UNC5C: variants seen among roughly 807,000 people sequenced by gnomAD.
UNC5C encodes netrin receptor UNC5C.
In UNC5C, 47 loss-of-function variants were observed where a neutral mutation model predicts 99.8. The observed-to-expected ratio is 0.47, with a 90% confidence interval of 0.37 to 0.60. UNC5C has a LOEUF of 0.60. Ranked by LOEUF, UNC5C falls within the 20% of genes least tolerant of loss-of-function variation. UNC5C has a pLI of 0.00. For synonymous variants in UNC5C, 487 were observed against 452.2 expected, an observed-to-expected ratio of 1.08 and a Z score of -0.98; for missense variants, 1,062 against 1,165.9, an observed-to-expected ratio of 0.91 and a Z score of 1.30.
chr4:95,172,875 T>C (rs981320975), intron 14 of UNC5C, among the ~76,000 whole-genome samples: 3 of 152,326 alleles, frequency 2.0e-5, no homozygotes, highest in African/African-American at 7.2e-5. Flanking sequence ...CCCATGAGCA[T>C]GGAATGTTGT....
chr4:95,512,488 G>C (rs1358678919), intron 1 of UNC5C, among the ~76,000 whole-genome samples: 1 of 152,142 alleles, frequency 6.6e-6, no homozygotes, highest in Admixed American at 6.5e-5. Context: ...TCTGAAAAGA[G>C]AGTTCATGTA....
At chr4:95,545,457 A>C (rs1483019802) in intron 1 of UNC5C, among the ~76,000 whole-genome samples, 1 of 152,194 alleles carries the variant, frequency 6.6e-6, no homozygotes, top group Non-Finnish European at 1.5e-5. Flanking sequence ...AATGAACTTT[A>C]GTTGTCTTCA....
At chr4:95,460,499 C>G (rs1480678856) in intron 1 of UNC5C, among the ~76,000 whole-genome samples, 1 of 152,112 alleles carries the variant, frequency 6.6e-6, no homozygotes, top group Non-Finnish European at 1.5e-5. Flanking sequence ...TTCCCCCATA[C>G]TGTTCTCATG....
intron 1 of UNC5C, among the ~76,000 whole-genome samples, chr4:95,423,697 C>G (rs1469538804): frequency 6.6e-6 from 1 of 152,110 alleles, no homozygotes; most frequent in Non-Finnish European, 1.5e-5. Flanking sequence ...GAGTACATTT[C>G]CAGAGGCATA....
chr4:95,164,537 G>T lies in UNC5C; in HGVS notation c.*4697C>A, dbSNP rs1735790868. 6.6e-6 allele frequency: 1 copy of T among 152,176 alleles called. No homozygotes were observed. Among genetic ancestry groups the T allele is most frequent in the Admixed American group, 6.5e-5 (1 of 15,284 alleles). 9.4% of individuals were successfully genotyped at this position (152,176 alleles called of 1,614,324 possible). Reference sequence around the variant, plus strand: ...TACAAAAAGAAAAATAAAAGCCAAAGAGTAATAGTTGGTCCTATGAGGCAC... The same window carrying T: ...TACAAAAAGAAAAATAAAAGCCAAATAGTAATAGTTGGTCCTATGAGGCAC... On this transcript the variant is annotated 3_prime_UTR_variant, in exon 16 of 16. Transcript: ENST00000453304.
intron 14 of UNC5C, 23 bp from the exon 15 acceptor site, chr4:95,170,355 A>G (rs769721031): frequency 2.5e-6 from 4 of 1,609,752 alleles, no homozygotes; most frequent in Non-Finnish European, 3.4e-6. Flanking sequence ...GACAGGAACA[A>G]CACAGCATTA....
chr4:95,463,204 A>G (rs1365239776), intron 1 of UNC5C, among the ~76,000 whole-genome samples: 1 of 152,070 alleles, frequency 6.6e-6, no homozygotes, highest in African/African-American at 2.4e-5. Context: ...TGCAGTGCCT[A>G]ACTGTGACCT....
chr4:95,169,479 C>T (rs775609692), intron 15 of UNC5C, 80 bp from the exon 16 acceptor site: 16 of 1,501,222 alleles, frequency 1.1e-5, no homozygotes, highest in Non-Finnish European at 1.4e-5. Context: ...TTCTGTCTCT[C>T]TACTTGTCTT....
At chr4:95,425,545 A>T (rs1271509785) in intron 1 of UNC5C, among the ~76,000 whole-genome samples, 1 of 152,142 alleles carries the variant, frequency 6.6e-6, no homozygotes. Context: ...GATGGTCTGG[A>T]TCTCCTGACC....
At chr4:95,336,981 G>C (rs1743376327) in intron 1 of UNC5C, among the ~76,000 whole-genome samples, 1 of 151,868 alleles carries the variant, frequency 6.6e-6, no homozygotes, top group Non-Finnish European at 1.5e-5. Context: ...GAACATTCAA[G>C]ACTGCTTAAA....
chr4:95,361,344 ACT>A (rs1306559469), intron 1 of UNC5C, among the ~76,000 whole-genome samples: 1 of 152,122 alleles, frequency 6.6e-6, no homozygotes, highest in Non-Finnish European at 1.5e-5. Context: ...AGTCCCTTTA[ACT>A]CTCTCTTCTT....
intron 4 of UNC5C, among the ~76,000 whole-genome samples, chr4:95,270,170 CT>C (rs1373312184): frequency 6.6e-6 from 1 of 152,128 alleles, no homozygotes; most frequent in Non-Finnish European, 1.5e-5. Flanking sequence ...CTTGTAGGTG[CT>C]TTAAACAATC....
intron 1 of UNC5C, among the ~76,000 whole-genome samples, chr4:95,502,203 G>A (rs1420291302): frequency 6.6e-6 from 1 of 152,030 alleles, no homozygotes; most frequent in African/African-American, 2.4e-5. Context: ...ATTATGACTG[G>A]CCCCCAATCA....
At chr4:95,390,038 C>T (rs1745312696) in intron 1 of UNC5C, among the ~76,000 whole-genome samples, 1 of 151,866 alleles carries the variant, frequency 6.6e-6, no homozygotes, top group Admixed American at 6.6e-5. Context: ...AATAGTATGC[C>T]CCAAAACTCA....
intron 1 of UNC5C, among the ~76,000 whole-genome samples, chr4:95,492,187 G>A (rs1197202445): frequency 6.6e-6 from 1 of 151,254 alleles, no homozygotes; most frequent in Non-Finnish European, 1.5e-5. Context: ...AGGAATTATA[G>A]GTTTATTTTA....
chr4:95,227,174 G>A (rs1276511785), intron 7 of UNC5C, among the ~76,000 whole-genome samples: 1 of 151,216 alleles, frequency 6.6e-6, no homozygotes, highest in East Asian at 1.9e-4. Context: ...TTTCGAGATA[G>A]GGTCTTGCTC....
intron 1 of UNC5C, among the ~76,000 whole-genome samples, chr4:95,466,841 A>G (rs1170715070): frequency 6.6e-6 from 1 of 152,164 alleles, no homozygotes; most frequent in Non-Finnish European, 1.5e-5. Flanking sequence ...ATACGACGTC[A>G]TTTAGCCATT....
At chr4:95,215,912 C>G (rs530458276) in intron 10 of UNC5C, 2 of 408,256 alleles carry the variant, frequency 4.9e-6, no homozygotes, top group African/African-American at 2.1e-5. Context: ...AGATCTCTAG[C>G]CTTCTACCCA....
In UNC5C at chr4:95,258,746, C is replaced by CTTTTTT. The variant is rs775570031; in HGVS notation, c.595-8085_595-8080dup. ...ACTATGTGTAATCGACCATCTTATT[C>CTTTTTT]TTTTTTTTTTTTTTTTTTTTTTTTT... On this transcript the variant is annotated intron_variant, in intron 4 of 15. Coordinates refer to ENST00000453304, the MANE Select transcript of UNC5C (RefSeq NM_003728.4). Among the ~76,000 whole-genome samples, 15 of 76,044 alleles carry CTTTTTT rather than the reference C, an allele frequency of 2.0e-4. 2 individuals are homozygous for CTTTTTT. In the East Asian group the frequency reaches 2.6e-3, roughly 13 times the overall value. The allele number at this position is 76,044 out of a possible 152,430, so 49.9% of individuals were successfully genotyped here. A position where few individuals can be genotyped will look rare whatever the true frequency, so the allele number is the denominator to read the frequency against.
Sources: gnomAD v4.1 joint callset for allele counts (sites outside exome capture counted in the v4.1 genomes callset) on GRCh38, gnomAD v4.1.1 for gene constraint, MANE v1.5 for transcripts, NCBI Gene and HGNC (gene_info 2026-07-23, HGNC 2026-07-21) for gene names.